The following KLKB1 variants were observed in gnomAD, a reference collection of about 807,000 sequenced individuals.
KLKB1 encodes plasma kallikrein.
In KLKB1, 58 loss-of-function variants were observed where a neutral mutation model predicts 73.6. The ratio of observed to expected loss-of-function variants is 0.79; its 90% CI spans 0.64 to 0.98. The LOEUF (loss-of-function observed/expected upper bound fraction) is 0.98. KLKB1 is among the 50% of genes least tolerant of loss of function. KLKB1 has a pLI of 0.00. For missense variants in KLKB1, 737 were observed against 763.8 expected (o/e 0.96, Z 0.41); for synonymous variants, 280 against 258.1 (o/e 1.08, Z -0.81).
intron 6 of KLKB1, 73 bp from the exon 7 acceptor site, chr4:186,250,170 A>G: frequency 1.5e-6 from 2 of 1,341,226 alleles, no homozygotes; most frequent in Non-Finnish European, 2.1e-6. Context: ...TTCCTTAACT[A>G]TGGTGACAAA....
rs749475483 is a variant in KLKB1 at position 186,258,072 on chromosome 4, G to A, written c.1777G>A (p.Val593Met). The A allele has an allele frequency of 8.1e-6, 13 of 1,614,106 alleles. No individual in the cohort carries two copies. Among genetic ancestry groups the A allele is most frequent in the Non-Finnish European group, 1.1e-5 (13 of 1,179,994 alleles). Residue 593 changes from valine to methionine, a missense_variant, in exon 15 of 15, where the codon GTG (valine) becomes ATG (methionine). Physicochemically the swap from Val to Met is conservative, Grantham distance 21. Coordinates refer to ENST00000264690, the MANE Select transcript of KLKB1 (RefSeq NM_000892.5). ...CAAACACAATGGAATGTGGCGTTTG[G>A]TGGGCATCACCAGCTGGGGTGAAGG... The part of the protein sequence containing the change: ...VCKHNGMWRL[V>M]GITSWGEGCA...
chr4:186,242,460 C>T (rs4253272), intron 6 of KLKB1, among the ~76,000 whole-genome samples: 84,680 of 151,552 alleles, frequency 0.56, 24,020 homozygotes, highest in East Asian at 0.68. Context: ...TTAGGGGCGG[C>T]GTGGGAACCT....
At chr4:186,240,290 T>G (rs1737956529) in intron 6 of KLKB1, among the ~76,000 whole-genome samples, 1 of 151,850 alleles carries the variant, frequency 6.6e-6, no homozygotes, top group East Asian at 1.9e-4. Flanking sequence ...GTTATAGTTA[T>G]AGGACAGTGA....
At chr4:186,218,246 T>G (rs990943191) in intron 2 of KLKB1, among the ~76,000 whole-genome samples, 1 of 152,220 alleles carries the variant, frequency 6.6e-6, no homozygotes, top group Non-Finnish European at 1.5e-5. Flanking sequence ...GTTATATGAT[T>G]CTTTGGTAGG....
chr4:186,238,480 G>T, intron 6 of KLKB1, 115 bp downstream of exon 6: 1 of 778,044 alleles, frequency 1.3e-6, no homozygotes. Context: ...TGGCAAAAGC[G>T]TTTCTGTCAA....
At position 186,257,269 on chromosome 4, in the gene KLKB1, A is replaced by G. The variant is rs749731230; in HGVS notation, c.1629A>G (p.Val543=). 2 of 1,600,772 alleles carry G rather than the reference A, an allele frequency of 1.2e-6. No individual in the cohort carries two copies. The highest frequency in any genetic ancestry group is 1.7e-6 in the Non-Finnish European group (2 of 1,171,572). The part of the protein sequence containing the change: ...NILQKVNIPL[V]TNEECQKRYQ... ...TACAAAAGGTAAATATTCCTTTGGT[A>G]ACAAATGAAGAATGCCAGAAAAGAT... The change falls in exon 14 of 15, where the codon GTA becomes GTG. Residue 543 remains valine (V), a synonymous_variant. Coordinates refer to ENST00000264690, the MANE Select transcript of KLKB1 (RefSeq NM_000892.5).
intron 2 of KLKB1, among the ~76,000 whole-genome samples, chr4:186,218,651 T>TGTGTGTGCGC (rs1290427812): frequency 7.3e-5 from 11 of 150,738 alleles, no homozygotes; most frequent in Non-Finnish European, 1.3e-4. Context: ...TGTGTGTGTG[T>TGTGTGTGCGC]GCGCATGTGT....
rs4253326 is a variant in KLKB1 at position 186,257,445 on chromosome 4, C to T, written c.1725+80C>T. On this transcript the variant is annotated intron_variant, in intron 14 of 14. Coordinates refer to ENST00000264690, the MANE Select transcript of KLKB1 (RefSeq NM_000892.5). ...AAATATATTTTCCAATAGCATAATTCAATCATAGTTTTTAAAAAAATTCAG... is the reference window on the plus strand; with the variant it reads ...AAATATATTTTCCAATAGCATAATTTAATCATAGTTTTTAAAAAAATTCAG... 0.8 allele frequency: 1,072,141 copies of T among 1,334,378 alleles called. 431,868 individuals carry two copies. The highest frequency in any genetic ancestry group is 0.92 in the East Asian group (35,191 of 38,170). The allele number at this position is 1,334,378 out of a possible 1,614,324, so 82.7% of individuals were successfully genotyped here. A position where few individuals can be genotyped will look rare whatever the true frequency, so the allele number is the denominator to read the frequency against.
At chr4:186,226,327 C>T (rs941520326), upstream of KLKB1, 70 of 152,108 alleles carry the variant, frequency 4.6e-4, 1 homozygote, top group Non-Finnish European at 1.8e-4. Context: ...CTTGTTTCCC[C>T]GATTATTTGT....
chr4:186,214,301 T>C (rs1377474119), intron 2 of KLKB1, among the ~76,000 whole-genome samples: 1 of 152,166 alleles, frequency 6.6e-6, no homozygotes, highest in African/African-American at 2.4e-5. Flanking sequence ...CTTCAGTGGG[T>C]CCACCCTACT....
At chr4:186,238,442 C>T (rs1737824873) in intron 6 of KLKB1, 77 bp downstream of exon 6, 2 of 996,932 alleles carry the variant, frequency 2.0e-6, no homozygotes, top group African/African-American at 1.6e-5. Flanking sequence ...GTGCTGAGCC[C>T]TGGGACCTGT....
chr4:186,232,358 G>A (rs1579996125), intron 3 of KLKB1, 69 bp downstream of exon 3: 5 of 1,414,680 alleles, frequency 3.5e-6, no homozygotes, highest in South Asian at 3.5e-5. Flanking sequence ...GCAGAAAGGT[G>A]TAGTATAACT....
intron 7 of KLKB1, among the ~76,000 whole-genome samples, chr4:186,250,635 C>A (rs1428728915): frequency 6.6e-6 from 1 of 152,168 alleles, no homozygotes; most frequent in East Asian, 1.9e-4. Flanking sequence ...ACCATTGAAT[C>A]AAGGAAGCAA....
Position 186,236,902 on chromosome 4 carries a change from T to C in KLKB1, c.450T>C (p.Phe150=). The C allele has an allele frequency of 1.2e-6, 2 of 1,614,126 alleles. No homozygotes were observed. The highest frequency in any genetic ancestry group is 1.7e-6 in the Non-Finnish European group (2 of 1,180,014). The part of the protein sequence containing the change: ...RCTSNIRCQF[F]SYATQTFHKA... ...CCAGTAACATTCGCTGCCAGTTTTTTTCATATGCCACGCAAACATTTCACA... is the reference window on the plus strand; with the variant it reads ...CCAGTAACATTCGCTGCCAGTTTTTCTCATATGCCACGCAAACATTTCACA... Residue 150 remains phenylalanine (F), a synonymous_variant, in exon 5 of 15, where the codon TTT becomes TTC. Transcript: ENST00000264690.
chr4:186,246,314 G>A (rs1738347677), intron 6 of KLKB1, among the ~76,000 whole-genome samples: 1 of 152,068 alleles, frequency 6.6e-6, no homozygotes, highest in South Asian at 2.1e-4. Context: ...TGAGAGGACA[G>A]ATGGGTTGGG....
intron 2 of KLKB1, among the ~76,000 whole-genome samples, chr4:186,231,868 T>G (rs563548109): frequency 6.6e-6 from 1 of 152,358 alleles, no homozygotes; most frequent in African/African-American, 2.4e-5. Flanking sequence ...TATTTTATTG[T>G]GGGGAATTTA....
In KLKB1 at chr4:186,236,685, A is replaced by G. The variant is rs1364933680; in HGVS notation, c.329-96A>G. On this transcript the variant is annotated intron_variant, in intron 4 of 14. Transcript: ENST00000264690. ...TAGCAGTTGCCAAAACTGGGCTATT[A>G]TCATTCTAAACTACCAACCCAAATG... The G allele has an allele frequency of 6.2e-5, 77 of 1,246,846 alleles. No individual in the cohort carries two copies. In the South Asian group the frequency reaches 9.2e-4, roughly 15 times the overall value. The allele number at this position is 1,246,846 out of a possible 1,614,324, so 77.2% of individuals were successfully genotyped here. A position where few individuals can be genotyped will look rare whatever the true frequency, so the allele number is the denominator to read the frequency against.
At position 186,240,439 on chromosome 4, in the gene KLKB1, A is replaced by G. The variant is rs187229789; in HGVS notation, c.598+2074A>G. 3.0e-3 allele frequency among the ~76,000 whole-genome samples: 462 copies of G among 152,296 alleles called. 3 individuals are homozygous for G. The highest frequency in any genetic ancestry group is 0.011 in the African/African-American group (439 of 41,536). The stretch of plus-strand genomic sequence containing the variant: ...AAGGTCATTCCTTGGTTGTGTCCCT[A>G]TCTAGTGAAATGACTCTACCAGGGG... On this transcript the variant is annotated intron_variant, in intron 6 of 14. Coordinates refer to ENST00000264690, the MANE Select transcript of KLKB1 (RefSeq NM_000892.5).
At chr4:186,251,168 C>G in intron 7 of KLKB1, 51 bp from the exon 8 acceptor site, 2 of 1,260,232 alleles carry the variant, frequency 1.6e-6, no homozygotes, top group Non-Finnish European at 2.3e-6. Context: ...TGCCTAATGC[C>G]TTTAATGCAA....
Sources: gnomAD v4.1 joint callset for allele counts (sites outside exome capture counted in the v4.1 genomes callset) on GRCh38, gnomAD v4.1.1 for gene constraint, MANE v1.5 for transcripts, NCBI Gene and HGNC (gene_info 2026-07-23, HGNC 2026-07-21) for gene names.